The following ADA2 variants were observed in gnomAD, a reference collection of about 807,000 sequenced individuals.
ADA2 encodes adenosine deaminase 2.
Under a neutral mutation model 44.2 loss-of-function variants are expected in ADA2, and 29 were observed. The ratio of observed to expected loss-of-function variants is 0.66; its 90% CI spans 0.49 to 0.89. The LOEUF is 0.89. ADA2 is among the 40% of genes least tolerant of loss of function. The pLI is 0.00. For synonymous variants in ADA2, 215 were observed against 234.9 expected (o/e 0.92, Z 0.77); for missense variants, 637 against 644.8 (o/e 0.99, Z 0.13).
intron 7 of ADA2, among the ~76,000 whole-genome samples, chr22:17,187,147 A>G (rs2062044803): frequency 6.8e-6 from 1 of 147,048 alleles, no homozygotes; most frequent in Non-Finnish European, 1.5e-5. Context: ...AGCCTGGGCC[A>G]CAGAGCGAGA....
At chr22:17,185,407 T>C (rs908308256) in intron 7 of ADA2, among the ~76,000 whole-genome samples, 71 of 139,318 alleles carry the variant, frequency 5.1e-4, no homozygotes, top group African/African-American at 1.9e-3. Flanking sequence ...AGAGCGAGAC[T>C]CCGTCTCAAA....
intron 7 of ADA2, among the ~76,000 whole-genome samples, chr22:17,186,406 AC>A (rs1334574318): frequency 2.6e-5 from 4 of 151,670 alleles, no homozygotes; most frequent in Non-Finnish European, 5.9e-5. Flanking sequence ...ACATGGTGAA[AC>A]CCTATCCCTA....
chr22:17,208,484 A>C (rs1304543684), intron 2 of ADA2, among the ~76,000 whole-genome samples: 1 of 150,932 alleles, frequency 6.6e-6, no homozygotes, highest in Non-Finnish European at 1.5e-5. Context: ...GTAAACTGCA[A>C]GCTGCTATTA....
At chr22:17,194,415 C>T (rs531733754) in intron 4 of ADA2, among the ~76,000 whole-genome samples, 117 of 152,292 alleles carry the variant, frequency 7.7e-4, no homozygotes, top group South Asian at 1.2e-3. Flanking sequence ...ATTGTGTGTC[C>T]TTTGTCTCTG....
intron 1 of ADA2, among the ~76,000 whole-genome samples, chr22:17,216,591 C>G (rs2062474515): frequency 6.6e-6 from 1 of 151,830 alleles, no homozygotes; most frequent in South Asian, 2.1e-4. Context: ...ATGGCAAAAC[C>G]CTGTCTCTAC....
intron 3 of ADA2, among the ~76,000 whole-genome samples, chr22:17,205,333 T>C (rs895899888): frequency 1.3e-5 from 2 of 152,074 alleles, no homozygotes; most frequent in African/African-American, 4.8e-5. Flanking sequence ...AGGCTGGTCT[T>C]GAACTCCTGG....
chr22:17,205,300 A>C (rs1044013020), intron 3 of ADA2, among the ~76,000 whole-genome samples: 4 of 152,034 alleles, frequency 2.6e-5, no homozygotes, highest in Admixed American at 2.6e-4. Context: ...GATTACAAGC[A>C]TGAGCCACCA....
chr22:17,211,527 G>A (rs1204306105), intron 1 of ADA2, among the ~76,000 whole-genome samples: 3 of 152,102 alleles, frequency 2.0e-5, no homozygotes, highest in African/African-American at 2.4e-5. Context: ...CAGCTACTGG[G>A]GAGGCTGAGG....
rs190181908 is a variant in ADA2, at chr22:17,211,090, G to A, written c.-46-1367C>T. Reference sequence around the variant, plus strand: ...AAAAAATAAAAATACGGCTGGGCGCGGTGGCTCACGCCTGTAATCCCAACA... The same window carrying A: ...AAAAAATAAAAATACGGCTGGGCGCAGTGGCTCACGCCTGTAATCCCAACA... On this transcript the variant is annotated intron_variant, in intron 1 of 9. Coordinates refer to ENST00000399837, the MANE Select transcript of ADA2 (RefSeq NM_001282225.2). Among the ~76,000 whole-genome samples, 761 of 152,084 alleles carry A rather than the reference G, an allele frequency of 5.0e-3. 7 individuals carry two copies. Among genetic ancestry groups the A allele is most frequent in the Admixed American group, 9.7e-3 (148 of 15,248 alleles).
In ADA2 at chr22:17,184,987, T is replaced by TATATATATATATATATATAC. The variant is rs1382139669; in HGVS notation, c.1082-2227_1082-2226insGTATATATATATATATATAT. Among the ~76,000 whole-genome samples the TATATATATATATATATATAC allele has an allele frequency of 7.9e-4, 98 of 124,540 alleles. 5 individuals carry two copies. Among genetic ancestry groups the TATATATATATATATATATAC allele is most frequent in the Non-Finnish European group, 1.4e-3 (81 of 59,354 alleles). 81.7% of individuals were successfully genotyped at this position (124,540 alleles called of 152,430 possible). A position where few individuals can be genotyped will look rare whatever the true frequency, so the allele number is the denominator to read the frequency against. On this transcript the variant is annotated intron_variant, in intron 7 of 9. Coordinates refer to ENST00000399837, the MANE Select transcript of ADA2 (RefSeq NM_001282225.2). Reference sequence around the variant, plus strand: ...GTGACAGAGTGCCCATGTCAAAATATATATATATATATATATATATGAAAA... The same window carrying TATATATATATATATATATAC: ...GTGACAGAGTGCCCATGTCAAAATATATATATATATATATATATACATATATATATATATATATATGAAAA...
chr22:17,219,865 G>C (rs535257606), upstream of ADA2, among the ~76,000 whole-genome samples: 30 of 151,976 alleles, frequency 2.0e-4, no homozygotes, highest in African/African-American at 7.2e-4. Flanking sequence ...TAGTAGAAAT[G>C]GGGTTTCACC....
intron 7 of ADA2, among the ~76,000 whole-genome samples, chr22:17,185,935 C>T (rs1281821706): frequency 6.6e-6 from 1 of 152,192 alleles, no homozygotes; most frequent in East Asian, 1.9e-4. Context: ...TCCTTTGGAT[C>T]TGAAATTGCA....
At chr22:17,191,056 T>A (rs1601435108) in intron 5 of ADA2, among the ~76,000 whole-genome samples, 1 of 152,222 alleles carries the variant, frequency 6.6e-6, no homozygotes, top group Non-Finnish European at 1.5e-5. Context: ...GCTGCTGCCC[T>A]TGCAGCTGCG....
chr22:17,205,156 TAC>T (rs1368437669), intron 3 of ADA2, among the ~76,000 whole-genome samples: 3 of 152,134 alleles, frequency 2.0e-5, no homozygotes, highest in Non-Finnish European at 4.4e-5. Flanking sequence ...TAGCTGGGAT[TAC>T]AGGTGGCTGC....
chr22:17,188,885 ATT>A (rs1491335102), intron 6 of ADA2, among the ~76,000 whole-genome samples: 7 of 120,324 alleles, frequency 5.8e-5, no homozygotes, highest in Non-Finnish European at 1.1e-4. Context: ...ATATATATAT[ATT>A]TTGTAAAGAC....
intron 1 of ADA2, among the ~76,000 whole-genome samples, chr22:17,210,905 T>C (rs5992641): frequency 6.6e-6 from 1 of 151,914 alleles, no homozygotes; most frequent in Non-Finnish European, 1.5e-5. Flanking sequence ...TACTTTTAAA[T>C]ATAACCAGCA....
intron 4 of ADA2, among the ~76,000 whole-genome samples, chr22:17,196,186 C>CA: frequency 6.6e-6 from 1 of 151,686 alleles, no homozygotes; most frequent in African/African-American, 2.4e-5. Flanking sequence ...ACTAAAAATA[C>CA]AAAAATTTGC....
At chr22:17,212,288 A>C (rs954012560) in intron 1 of ADA2, among the ~76,000 whole-genome samples, 1 of 151,924 alleles carries the variant, frequency 6.6e-6, no homozygotes, top group Non-Finnish European at 1.5e-5. Context: ...CGGACTCCTA[A>C]AGTACTGGCA....
chr22:17,211,672 G>A (rs377097371), intron 1 of ADA2, among the ~76,000 whole-genome samples: 15 of 152,222 alleles, frequency 9.9e-5, no homozygotes, highest in South Asian at 8.3e-4. Flanking sequence ...GCTCACCCCT[G>A]TAATCCCAGC....
Sources: allele counts gnomAD v4.1 joint callset (sites outside exome capture counted in the v4.1 genomes callset), GRCh38; gene constraint gnomAD v4.1.1; transcripts MANE v1.5; gene names NCBI Gene and HGNC (gene_info 2026-07-23, HGNC 2026-07-21).